The following STAU1 variants were observed in gnomAD, a reference collection of about 807,000 sequenced individuals.
STAU1 encodes staufen double-stranded RNA binding protein 1.
Under a neutral mutation model 62.9 loss-of-function variants are expected in STAU1, and 13 were observed. The ratio of observed to expected loss-of-function variants is 0.21; its 90% CI spans 0.13 to 0.33. The LOEUF is 0.33. Ranked by LOEUF, STAU1 falls within the 10% of genes least tolerant of loss-of-function variation. The pLI, the probability that STAU1 is intolerant of heterozygous loss-of-function variation, is 1.00. For missense variants in STAU1, 571 were observed against 712.1 expected, an observed-to-expected ratio of 0.80 and a Z score of 2.25; for synonymous variants, 269 against 265.1, an observed-to-expected ratio of 1.01 and a Z score of -0.14.
the STAU1 span, among the ~76,000 whole-genome samples, chr20:49,208,163 G>T: frequency 6.6e-6 from 1 of 152,118 alleles, no homozygotes; most frequent in Admixed American, 6.6e-5. Context: ...GGGTTCAAGC[G>T]ATTCTCCTGC....
chr20:49,206,210 T>C, the STAU1 span, among the ~76,000 whole-genome samples: 12 of 150,004 alleles, frequency 8.0e-5, no homozygotes, highest in Non-Finnish European at 1.2e-4. Context: ...GCTAGGCTGG[T>C]CTGGAACTCC....
chr20:49,213,868 T>G, the STAU1 span, among the ~76,000 whole-genome samples: 1 of 152,240 alleles, frequency 6.6e-6, no homozygotes, highest in African/African-American at 2.4e-5. Flanking sequence ...GGCTTGCCCA[T>G]GGAACACAGA....
chr20:49,123,036 C>G (rs979904017), intron 8 of STAU1, 56 bp downstream of exon 8: 1 of 1,504,744 alleles, frequency 6.6e-7, no homozygotes, highest in Non-Finnish European at 8.9e-7. Context: ...CCGCCATCAG[C>G]CCCCAAGGCT....
At chr20:49,165,881 C>A in intron 3 of STAU1, 116 bp downstream of exon 3, 2 of 1,033,292 alleles carry the variant, frequency 1.9e-6, no homozygotes, top group South Asian at 1.4e-5. Context: ...GGTGGTGATA[C>A]TTTCTTTTGC....
chr20:49,150,096 T>A (rs1007571778), intron 5 of STAU1, among the ~76,000 whole-genome samples: 1 of 152,232 alleles, frequency 6.6e-6, no homozygotes, highest in African/African-American at 2.4e-5. Flanking sequence ...TGACTCTATC[T>A]GTGATAAGAT....
At chr20:49,204,877 T>C in the STAU1 span, among the ~76,000 whole-genome samples, 410 of 151,784 alleles carry the variant, frequency 2.7e-3, 2 homozygotes, top group African/African-American at 9.5e-3. Context: ...CTCAAACTCC[T>C]GACCTCAGGT....
intron 2 of STAU1, among the ~76,000 whole-genome samples, chr20:49,173,082 G>C (rs1352592460): frequency 1.3e-5 from 2 of 151,288 alleles, no homozygotes; most frequent in Non-Finnish European, 3.0e-5. Context: ...CTGACCTCTT[G>C]ATCCGCCCAC....
At chr20:49,144,864 G>T (rs1167027333) in intron 5 of STAU1, among the ~76,000 whole-genome samples, 1 of 152,150 alleles carries the variant, frequency 6.6e-6, no homozygotes, top group Non-Finnish European at 1.5e-5. Context: ...GCATATTTGG[G>T]AGTAGATGAT....
intron 5 of STAU1, among the ~76,000 whole-genome samples, chr20:49,137,428 TAA>T (rs1416327616): frequency 6.6e-6 from 1 of 152,098 alleles, no homozygotes; most frequent in Non-Finnish European, 1.5e-5. Context: ...GTAGTGATAA[TAA>T]GAGGAACTAG....
chr20:49,205,375 T>C, the STAU1 span, among the ~76,000 whole-genome samples: 1 of 150,404 alleles, frequency 6.6e-6, no homozygotes, highest in Non-Finnish European at 1.5e-5. Context: ...TTTTTTTTTT[T>C]TTTTTTTTGA....
In STAU1 at chr20:49,114,897, T is replaced by C. The variant is rs1032794861; in HGVS notation, c.1719-4A>G. The C allele has an allele frequency of 1.2e-6, 2 of 1,613,202 alleles. No individual in the cohort carries two copies. The highest frequency in any genetic ancestry group is 1.1e-5 in the South Asian group (1 of 90,956). ...AAAGGTTCAGCACCTCCCACACCTT[T>C]AAGGAAGAAAAATGAAAATGACACT... On this transcript the variant is annotated splice_polypyrimidine_tract_variant and splice_region_variant and intron_variant, in intron 13 of 13. Transcript: ENST00000371856.
Position 49,134,408 on chromosome 20 carries a change from G to A in STAU1, c.609+1425C>T, listed in dbSNP as rs1465952011. On this transcript the variant is annotated intron_variant, in intron 6 of 13. Transcript: ENST00000371856. ...AACACACCATTGCACTACAGCCTGGGCGACAAGAGTGAAACTCATCTCAGG... is the reference window on the plus strand; with the variant it reads ...AACACACCATTGCACTACAGCCTGGACGACAAGAGTGAAACTCATCTCAGG... 3 of 492,820 alleles carry A rather than the reference G, an allele frequency of 6.1e-6. No homozygotes were observed. The Admixed American group carries it at 8.9e-5, about 15-fold the overall frequency. The allele number at this position is 492,820 out of a possible 1,614,324, so 30.5% of individuals were successfully genotyped here.
chr20:49,114,677 T>C lies in STAU1; in HGVS notation c.*201A>G, dbSNP rs1380011745. On this transcript the variant is annotated 3_prime_UTR_variant, in exon 14 of 14. Coordinates refer to ENST00000371856, the MANE Select transcript of STAU1 (RefSeq NM_017453.4). ...GGACCGCCAGGTCACCGAGTGGCCA[T>C]CACAACAAACCCCAGCACAGTCCAG... The C allele has an allele frequency of 3.7e-6, 2 of 547,328 alleles. No homozygotes were observed. The highest frequency in any genetic ancestry group is 3.2e-5 in the Admixed American group (1 of 30,970). 33.9% of individuals were successfully genotyped at this position (547,328 alleles called of 1,614,324 possible). A position where few individuals can be genotyped will look rare whatever the true frequency, so the allele number is the denominator to read the frequency against.
chr20:49,176,997 C>T (rs1445096147), intron 1 of STAU1, among the ~76,000 whole-genome samples: 1 of 151,568 alleles, frequency 6.6e-6, no homozygotes, highest in Non-Finnish European at 1.5e-5. Flanking sequence ...CTGCAACCTC[C>T]GCCTCCCGGG....
In STAU1 at chr20:49,117,045, TC is replaced by T; in HGVS notation, c.1632+80del. ...TGGGACAATCTTTCTCCCATCTTCCTCAGGCTAGTAACAAGCTGAACCAAGG... is the reference window on the plus strand; with the variant it reads ...TGGGACAATCTTTCTCCCATCTTCCTAGGCTAGTAACAAGCTGAACCAAGG... On this transcript the variant is annotated intron_variant, in intron 12 of 13. Coordinates refer to ENST00000371856, the MANE Select transcript of STAU1 (RefSeq NM_017453.4). This position sits in a 1 kb window ranked among gnomAD's most constrained non-coding sequence, Gnocchi z 4.6. 3 of 1,553,676 alleles carry T rather than the reference TC, an allele frequency of 1.9e-6. No individual in the cohort carries two copies. In the Admixed American group the frequency reaches 5.5e-5, roughly 29 times the overall value.
chr20:49,145,499 G>A lies in STAU1; in HGVS notation c.510+6083C>T, dbSNP rs1297254750. ...TGTAATCCCAGCACTTTGGGAGGCC[G>A]AGGCAGGTGGATCACAAGGTCAGGA... On this transcript the variant is annotated intron_variant, in intron 5 of 13. Coordinates refer to ENST00000371856, the MANE Select transcript of STAU1 (RefSeq NM_017453.4). 9.4e-5 allele frequency among the ~76,000 whole-genome samples: 14 copies of A among 149,170 alleles called. No individual in the cohort carries two copies. In the East Asian group the frequency reaches 1.6e-3, roughly 17 times the overall value.
chr20:49,114,516 C>A lies in STAU1; in HGVS notation c.*362G>T. On this transcript the variant is annotated 3_prime_UTR_variant, in exon 14 of 14. Transcript: ENST00000371856. ...TGAGTGAGCCAGCTTGAGAAGGGGT[C>A]GTGCCGTTTCTTCTTTCACACAGGG... is the stretch of plus-strand genomic sequence containing the variant. 1 of 243,570 alleles carries A rather than the reference C, an allele frequency of 4.1e-6. No individual in the cohort carries two copies. Among genetic ancestry groups the A allele is most frequent in the Non-Finnish European group, 8.0e-6 (1 of 124,794 alleles). The allele number at this position is 243,570 out of a possible 1,614,324, so 15.1% of individuals were successfully genotyped here. A position where few individuals can be genotyped will look rare whatever the true frequency, so the allele number is the denominator to read the frequency against.
chr20:49,154,463 T>C (rs1459971155), intron 3 of STAU1, among the ~76,000 whole-genome samples: 3 of 152,250 alleles, frequency 2.0e-5, no homozygotes, highest in Admixed American at 6.5e-5. Flanking sequence ...TTGGTTGTAC[T>C]GATTTACAGG....
the STAU1 span, among the ~76,000 whole-genome samples, chr20:49,202,230 A>AAAAAGAAAGAAAGAAAGAAAGAAAGAAAG: frequency 1.5e-5 from 2 of 130,358 alleles, no homozygotes; most frequent in African/African-American, 2.9e-5. Context: ...AAAAAAAAAA[A>AAAAAGAAAGAAAGAAAGAAAGAAAGAAAG]AAAGAAAGAA....
Sources: allele counts gnomAD v4.1 joint callset (sites outside exome capture counted in the v4.1 genomes callset), GRCh38; gene constraint gnomAD v4.1.1; non-coding constraint Gnocchi (gnomAD v3.1); transcripts MANE v1.5; gene names NCBI Gene and HGNC (gene_info 2026-07-23, HGNC 2026-07-21).